PCED1B: variants seen among roughly 807,000 people sequenced by gnomAD.
The protein encoded by PCED1B is PC-esterase domain-containing protein 1B.
For missense variants in PCED1B, 573 were observed against 573.9 expected, an observed-to-expected ratio of 1.00 and a Z score of 0.02; for synonymous variants, 251 against 246.1, an observed-to-expected ratio of 1.02 and a Z score of -0.19.
At chr12:47,130,580 T>G (rs1284322179) in intron 2 of PCED1B, among the ~76,000 whole-genome samples, 2 of 152,116 alleles carry the variant, frequency 1.3e-5, no homozygotes, top group African/African-American at 4.8e-5. Flanking sequence ...TCCCAGCTAC[T>G]TAGGAGGCTA....
chr12:47,094,024 G>A (rs1471453675), intron 1 of PCED1B, among the ~76,000 whole-genome samples: 1 of 151,966 alleles, frequency 6.6e-6, no homozygotes, highest in Non-Finnish European at 1.5e-5. Flanking sequence ...TGAAAGAGAT[G>A]CACTAATGCC....
intron 2 of PCED1B, among the ~76,000 whole-genome samples, chr12:47,148,106 G>A (rs1380342141): frequency 1.3e-5 from 2 of 152,214 alleles, no homozygotes; most frequent in African/African-American, 4.8e-5. Context: ...GTGGAAGGCA[G>A]AAGAGCAAAT....
At chr12:47,088,750 T>G (rs1431560422) in intron 1 of PCED1B, among the ~76,000 whole-genome samples, 2 of 152,214 alleles carry the variant, frequency 1.3e-5, no homozygotes, top group Non-Finnish European at 2.9e-5. Flanking sequence ...TGCTGAAGGA[T>G]GAGTCTGCTC....
At chr12:47,209,559 G>C (rs543714830) in intron 2 of PCED1B, 4 of 152,322 alleles carry the variant, frequency 2.6e-5, no homozygotes, top group African/African-American at 7.2e-5. Context: ...ATAAATGGTA[G>C]CAATAATAAT....
At chr12:47,111,480 G>A (rs937486702) in intron 2 of PCED1B, among the ~76,000 whole-genome samples, 30 of 151,958 alleles carry the variant, frequency 2.0e-4, no homozygotes, top group South Asian at 1.3e-3. Context: ...ACAGTTAGGG[G>A]CCTTAAGTAC....
intron 2 of PCED1B, among the ~76,000 whole-genome samples, chr12:47,137,532 C>G (rs924319777): frequency 1.3e-5 from 2 of 151,966 alleles, no homozygotes; most frequent in African/African-American, 4.8e-5. Context: ...GGAATCATTT[C>G]AGCCTGGGCA....
At chr12:47,164,512 C>T (rs571248729) in intron 2 of PCED1B, among the ~76,000 whole-genome samples, 2 of 152,242 alleles carry the variant, frequency 1.3e-5, no homozygotes, top group African/African-American at 2.4e-5. Context: ...CAGAAAGCCC[C>T]ACCTCAATGG....
In PCED1B at chr12:47,236,566, T is replaced by A; in HGVS notation, c.*204T>A. On this transcript the variant is annotated 3_prime_UTR_variant, in exon 4 of 4. Transcript: ENST00000546455. ...TTCTTGGCTGCAGCCTCTTCCCCAC[T>A]TCCTGGGAGTGACCCAGCGTTATTC... is the stretch of plus-strand genomic sequence containing the variant. 1 of 535,106 alleles carries A rather than the reference T, an allele frequency of 1.9e-6. No homozygotes were observed. The highest frequency in any genetic ancestry group is 3.3e-6 in the Non-Finnish European group (1 of 302,754). 33.1% of individuals were successfully genotyped at this position (535,106 alleles called of 1,614,324 possible). A position where few individuals can be genotyped will look rare whatever the true frequency, so the allele number is the denominator to read the frequency against.
intron 2 of PCED1B, among the ~76,000 whole-genome samples, chr12:47,198,157 CA>C (rs1565596298): frequency 6.6e-6 from 1 of 152,086 alleles, no homozygotes; most frequent in Non-Finnish European, 1.5e-5. Context: ...AAAATATTAA[CA>C]AATGAAATCT....
intron 1 of PCED1B, among the ~76,000 whole-genome samples, chr12:47,095,997 T>C (rs530527669): frequency 6.6e-6 from 1 of 152,276 alleles, no homozygotes; most frequent in African/African-American, 2.4e-5. Context: ...ACACTCTCTA[T>C]ATTTAATGAC....
intron 2 of PCED1B, among the ~76,000 whole-genome samples, chr12:47,163,484 G>A (rs902295822): frequency 6.6e-6 from 1 of 152,084 alleles, no homozygotes; most frequent in African/African-American, 2.4e-5. Flanking sequence ...TCATTGCTTT[G>A]TGCCTGATTT....
intron 2 of PCED1B, among the ~76,000 whole-genome samples, chr12:47,214,511 GA>G (rs895608626): frequency 2.0e-5 from 3 of 151,858 alleles, no homozygotes; most frequent in Non-Finnish European, 4.4e-5. Context: ...ATTAACAGGA[GA>G]AAAAAACATT....
chr12:47,102,797 C>T (rs1162097048), intron 1 of PCED1B, among the ~76,000 whole-genome samples: 1 of 152,152 alleles, frequency 6.6e-6, no homozygotes, highest in Non-Finnish European at 1.5e-5. Flanking sequence ...TGCCTAGAAA[C>T]AGTTATTGTT....
chr12:47,148,071 A>G (rs1414926240), intron 2 of PCED1B, among the ~76,000 whole-genome samples: 1 of 152,220 alleles, frequency 6.6e-6, no homozygotes, highest in Non-Finnish European at 1.5e-5. Flanking sequence ...ATGTTGTGAA[A>G]GCCTTCATGC....
chr12:47,228,049 T>C (rs1943687277), intron 3 of PCED1B, among the ~76,000 whole-genome samples: 1 of 151,514 alleles, frequency 6.6e-6, no homozygotes. Flanking sequence ...TTTTTTTTTT[T>C]TTGAGACAAA....
At chr12:47,083,617 C>G (rs1039462549) in intron 1 of PCED1B, among the ~76,000 whole-genome samples, 2 of 152,178 alleles carry the variant, frequency 1.3e-5, no homozygotes, top group African/African-American at 4.8e-5. Flanking sequence ...AACCAGATCT[C>G]TCACCCCATC....
In PCED1B at chr12:47,235,895, C is replaced by T; in HGVS notation, c.832C>T (p.Pro278Ser). 1 of 1,597,740 alleles carries T rather than the reference C, an allele frequency of 6.3e-7. No homozygotes were observed. Among genetic ancestry groups the T allele is most frequent in the Non-Finnish European group, 8.5e-7 (1 of 1,172,354 alleles). Residue 278 changes from proline (P) to serine (S), a missense_variant, in exon 4 of 4, where the codon CCG becomes TCG. Transcript: ENST00000546455. ...AAAACCTGGCCCGAGAGTCGAAGGG[C>T]CGCCCCAGGCCAACAGAAATCACCC... The part of the protein sequence containing the change: ...KKKPGPRVEG[P>S]PQANRNHPAL...
chr12:47,208,646 T>C (rs1942984773), intron 2 of PCED1B: 1 of 152,120 alleles, frequency 6.6e-6, no homozygotes, highest in African/African-American at 2.4e-5. Context: ...AGTACTGGGA[T>C]TATAGGCATG....
intron 2 of PCED1B, among the ~76,000 whole-genome samples, chr12:47,129,629 G>GC (rs1051982581): frequency 6.6e-6 from 1 of 152,076 alleles, no homozygotes; most frequent in African/African-American, 2.4e-5. Context: ...AGAGTGGCAT[G>GC]CCCCCTTGGG....
Sources: allele counts gnomAD v4.1 joint callset (sites outside exome capture counted in the v4.1 genomes callset), GRCh38; gene constraint gnomAD v4.1.1; transcripts MANE v1.5; gene names NCBI Gene and HGNC (gene_info 2026-07-23, HGNC 2026-07-21).